PTBP3: variants seen among roughly 807,000 people sequenced by gnomAD.
PTBP3 encodes polypyrimidine tract-binding protein 3.
A neutral mutation model predicts 58.7 loss-of-function variants in PTBP3; 20 were observed. The ratio of observed to expected loss-of-function variants is 0.34; its 90% CI spans 0.24 to 0.50. The LOEUF is 0.50. PTBP3 is among the 20% of genes least tolerant of loss of function. PTBP3 has a pLI of 0.98. For missense variants in PTBP3, 509 were observed against 637.2 expected (o/e 0.80, Z 2.17); for synonymous variants, 185 against 219.8 (o/e 0.84, Z 1.40).
intron 2 of PTBP3, among the ~76,000 whole-genome samples, chr9:112,289,468 A>G (rs1419519414): frequency 6.6e-6 from 1 of 152,186 alleles, no homozygotes; most frequent in African/African-American, 2.4e-5. Context: ...TTAACAGTTT[A>G]TAAGTATTTT....
chr9:112,340,741 T>C, the PTBP3 span, among the ~76,000 whole-genome samples: 2 of 151,864 alleles, frequency 1.3e-5, no homozygotes, highest in Non-Finnish European at 2.9e-5. Flanking sequence ...TAGCCGGGCG[T>C]AGTGGTGCAC....
intron 1 of PTBP3, among the ~76,000 whole-genome samples, chr9:112,330,943 A>G (rs1207270588): frequency 1.3e-5 from 2 of 152,210 alleles, no homozygotes; most frequent in African/African-American, 4.8e-5. Flanking sequence ...ACCAAAATAT[A>G]GTTAAGACAG....
chr9:112,330,467 TAAC>T, intron 1 of PTBP3: 1 of 1,528,230 alleles, frequency 6.5e-7, no homozygotes, highest in Non-Finnish European at 8.9e-7. Context: ...ATAAGATCTG[TAAC>T]AACACTGTAT....
chr9:112,223,962 G>A lies in PTBP3; in HGVS notation c.1464C>T (p.Leu488=). 6.2e-7 allele frequency: 1 copy of A among 1,612,508 alleles called. No individual in the cohort carries two copies. Among genetic ancestry groups the A allele is most frequent in the East Asian group, 2.2e-5 (1 of 44,796 alleles). ...CTTCTTCCACAGATCCCAATTGAAT[G>A]AGCGCCATTTTGCGATCTTTCCTGA... The part of the protein sequence containing the change: ...KFFQKDRKMA[L]IQLGSVEEAI... The change falls in exon 14 of 14, where the codon CTC becomes CTT. Residue 488 remains leucine (L), a synonymous_variant. Transcript: ENST00000374257.
At chr9:112,358,791 T>A in the PTBP3 span, among the ~76,000 whole-genome samples, 2,015 of 152,226 alleles carry the variant, frequency 0.013, 49 homozygotes, top group African/African-American at 0.047. Context: ...ATGAGAATGG[T>A]AAAATCAATT....
chr9:112,220,920 A>C lies in PTBP3; in HGVS notation c.*2931T>G. ...TACTACGGTAGATCAACAGAGAAAAACCATTGCTAGAAGATACTGAATAAA... is the reference window on the plus strand; with the variant it reads ...TACTACGGTAGATCAACAGAGAAAACCCATTGCTAGAAGATACTGAATAAA... On this transcript the variant is annotated 3_prime_UTR_variant, in exon 14 of 14. Transcript: ENST00000374257. 5.2e-6 allele frequency: 5 copies of C among 966,732 alleles called. No homozygotes were observed. Among genetic ancestry groups the C allele is most frequent in the Non-Finnish European group, 6.2e-6 (5 of 812,982 alleles). The allele number at this position is 966,732 out of a possible 1,614,324, so 59.9% of individuals were successfully genotyped here.
the PTBP3 span, among the ~76,000 whole-genome samples, chr9:112,366,281 C>CA: frequency 0.7 from 103,106 of 147,646 alleles, 36,271 homozygotes; most frequent in Admixed American, 0.81. Flanking sequence ...GACTCTGTCT[C>CA]AAAAAAAAAA....
intron 10 of PTBP3, among the ~76,000 whole-genome samples, chr9:112,228,859 T>A (rs1004169913): frequency 6.6e-6 from 1 of 152,222 alleles, no homozygotes; most frequent in Non-Finnish European, 1.5e-5. Flanking sequence ...ACCCATTGAT[T>A]CTATGGTCTA....
rs899242771 is a variant in PTBP3 at position 112,221,005 on chromosome 9, CT to C, written c.*2845del. ...TTCCACCATCCTGATATTTTTTAAT[CT>C]TTTTTTTACAAAAACTATGCCAACA... On this transcript the variant is annotated 3_prime_UTR_variant, in exon 14 of 14. Transcript: ENST00000374257. 13 of 974,492 alleles carry C rather than the reference CT, an allele frequency of 1.3e-5. No homozygotes were observed. The African/African-American group carries it at 1.4e-4, about 11-fold the overall frequency. 60.4% of individuals were successfully genotyped at this position (974,492 alleles called of 1,614,324 possible).
chr9:112,286,562 A>G (rs1828127555), intron 2 of PTBP3, among the ~76,000 whole-genome samples: 1 of 152,278 alleles, frequency 6.6e-6, no homozygotes, highest in East Asian at 1.9e-4. Flanking sequence ...AGAACCTTCC[A>G]AAGTATACGT....
Position 112,227,572 on chromosome 9 carries a change from C to A in PTBP3, c.1203G>T (p.Leu401=). The change falls in exon 12 of 14, where the codon CTG becomes CTT. Residue 401 remains leucine, a synonymous_variant. Transcript: ENST00000374257. ...GAAGCTGTACTGCTTGATGTTTGGA[C>A]AGTGTAGCACGAAGCACTTTCCCAT... ...RLYGKVLRAT[L]SKHQAVQLPR... 1 of 1,613,904 alleles carries A rather than the reference C, an allele frequency of 6.2e-7. No individual in the cohort carries two copies. Among genetic ancestry groups the A allele is most frequent in the Non-Finnish European group, 8.5e-7 (1 of 1,179,916 alleles).
At chr9:112,351,045 A>G in the PTBP3 span, among the ~76,000 whole-genome samples, 25 of 152,254 alleles carry the variant, frequency 1.6e-4, no homozygotes, top group Admixed American at 5.9e-4. Context: ...TCAGCCTCCC[A>G]AAGTGCTGGG....
At chr9:112,295,003 G>C (rs1828606084) in intron 2 of PTBP3, among the ~76,000 whole-genome samples, 1 of 152,158 alleles carries the variant, frequency 6.6e-6, no homozygotes, top group Non-Finnish European at 1.5e-5. Flanking sequence ...ACTCTGGGAG[G>C]CCAATGCAGG....
intron 5 of PTBP3, among the ~76,000 whole-genome samples, chr9:112,257,905 A>G (rs1836438918): frequency 1.4e-5 from 2 of 147,558 alleles, no homozygotes; most frequent in African/African-American, 5.0e-5. Context: ...GCACCACCAC[A>G]CTCCAGCCTG....
At chr9:112,299,471 CA>C (rs1235592583) in intron 1 of PTBP3, among the ~76,000 whole-genome samples, 6 of 152,032 alleles carry the variant, frequency 3.9e-5, no homozygotes, top group Non-Finnish European at 8.8e-5. Context: ...GTAAAACCAA[CA>C]AAGGGTTTAT....
chr9:112,336,758 A>G (rs575692645), upstream of PTBP3, among the ~76,000 whole-genome samples: 1 of 152,302 alleles, frequency 6.6e-6, no homozygotes, highest in African/African-American at 2.4e-5. Flanking sequence ...AAAAAATAAT[A>G]CAGGAAGACC....
chr9:112,260,279 T>A (rs139091241), intron 5 of PTBP3, among the ~76,000 whole-genome samples: 1 of 152,216 alleles, frequency 6.6e-6, no homozygotes, highest in Admixed American at 6.5e-5. Context: ...TTAACTCATA[T>A]AATCCTCGCA....
In PTBP3 at chr9:112,223,008, T is replaced by TA. The variant is rs894883447; in HGVS notation, c.*842dup. ...TGAAAACAATTATAAAAAAGTAGTT[T>TA]ATAAGTAGGATTATTTTTCTTTAAA... On this transcript the variant is annotated 3_prime_UTR_variant, in exon 14 of 14. Coordinates refer to ENST00000374257, the MANE Select transcript of PTBP3 (RefSeq NM_001163788.4). The TA allele has an allele frequency of 8.3e-6, 7 of 847,002 alleles. No homozygotes were observed. The highest frequency in any genetic ancestry group is 9.9e-6 in the Non-Finnish European group (7 of 703,782). The allele number at this position is 847,002 out of a possible 1,614,324, so 52.5% of individuals were successfully genotyped here. A position where few individuals can be genotyped will look rare whatever the true frequency, so the allele number is the denominator to read the frequency against.
intron 4 of PTBP3, among the ~76,000 whole-genome samples, chr9:112,264,272 T>C (rs1314516401): frequency 2.6e-5 from 4 of 152,200 alleles, no homozygotes; most frequent in African/African-American, 7.2e-5. Context: ...TTAAGTTTGA[T>C]TGTTTTTTAG....
Sources: gnomAD v4.1 joint callset for allele counts (sites outside exome capture counted in the v4.1 genomes callset) on GRCh38, gnomAD v4.1.1 for gene constraint, MANE v1.5 for transcripts, NCBI Gene and HGNC (gene_info 2026-07-23, HGNC 2026-07-21) for gene names.